The following KAZN variants were observed in gnomAD, a reference collection of about 807,000 sequenced individuals.
KAZN encodes the protein kazrin.
KAZN carries 40 observed loss-of-function variants against 87.4 expected under a neutral mutation model. The ratio of observed to expected loss-of-function variants is 0.46; its 90% CI spans 0.36 to 0.60. The LOEUF (loss-of-function observed/expected upper bound fraction) is 0.60. KAZN is among the 20% of genes least tolerant of loss of function. The probability of loss-of-function intolerance (pLI) is 0.00; values close to 1 mark genes in which losing one functional copy is unlikely to be tolerated. For synonymous variants in KAZN, 466 were observed against 458.3 expected (o/e 1.02, Z -0.22); for missense variants, 898 against 1,073.9 (o/e 0.84, Z 2.29).
chr1:14,716,984 G>A (rs554528842), intron 1 of KAZN, among the ~76,000 whole-genome samples: 1 of 151,618 alleles, frequency 6.6e-6, no homozygotes, highest in Non-Finnish European at 1.5e-5. Flanking sequence ...CCGCCCTCTG[G>A]AATGCCTTCT....
chr1:14,957,501 C>T (rs1663266048), intron 1 of KAZN, among the ~76,000 whole-genome samples: 1 of 152,240 alleles, frequency 6.6e-6, no homozygotes, highest in Non-Finnish European at 1.5e-5. Flanking sequence ...GGGCCCCGCT[C>T]TCGGATCCTG....
intron 13 of KAZN, chr1:15,112,156 T>C: frequency 2.0e-6 from 1 of 511,924 alleles, no homozygotes; most frequent in South Asian, 2.3e-5. Context: ...CGCTAACAGC[T>C]GTGTCGTCTT....
At chr1:15,008,350 G>A (rs1368341607) in intron 2 of KAZN, among the ~76,000 whole-genome samples, 1 of 152,190 alleles carries the variant, frequency 6.6e-6, no homozygotes, top group East Asian at 1.9e-4. Flanking sequence ...GGTCTCAGGC[G>A]AGCCTGAGAG....
At chr1:14,628,241 C>T (rs1171330391) in intron 1 of KAZN, among the ~76,000 whole-genome samples, 1 of 152,146 alleles carries the variant, frequency 6.6e-6, no homozygotes, top group Non-Finnish European at 1.5e-5. Context: ...AAAGGACGAC[C>T]TTTTGTCGGC....
intron 1 of KAZN, among the ~76,000 whole-genome samples, chr1:14,778,540 T>A (rs1479554300): frequency 6.6e-6 from 1 of 152,140 alleles, no homozygotes; most frequent in African/African-American, 2.4e-5. Flanking sequence ...ATCCGTTCAG[T>A]CCATTGGGAA....
chr1:14,163,632 C>A (rs1645758909), intron 1 of KAZN, among the ~76,000 whole-genome samples: 1 of 152,138 alleles, frequency 6.6e-6, no homozygotes, highest in African/African-American at 2.4e-5. Context: ...TATTGGGAGA[C>A]TGCCGTTCCC....
intron 2 of KAZN, among the ~76,000 whole-genome samples, chr1:14,517,639 T>TTA (rs1434551453): frequency 6.6e-6 from 1 of 152,200 alleles, no homozygotes; most frequent in Non-Finnish European, 1.5e-5. Flanking sequence ...GAGAAACACC[T>TTA]TAGAGCAAAA....
chr1:13,930,553 C>A (rs1486804608), intron 1 of KAZN, among the ~76,000 whole-genome samples: 1 of 152,100 alleles, frequency 6.6e-6, no homozygotes. Flanking sequence ...CTTTGTGATG[C>A]TACTATGTGG....
intron 1 of KAZN, among the ~76,000 whole-genome samples, chr1:14,010,650 C>T (rs1327699379): frequency 6.6e-6 from 1 of 152,196 alleles, no homozygotes; most frequent in African/African-American, 2.4e-5. Flanking sequence ...ATGTCATTGT[C>T]AGAGAGTTTT....
intron 1 of KAZN, among the ~76,000 whole-genome samples, chr1:14,883,690 G>C (rs1424795012): frequency 6.6e-6 from 1 of 152,084 alleles, no homozygotes; most frequent in East Asian, 1.9e-4. Flanking sequence ...CCCTATCAAA[G>C]CCAGCCCATC....
At chr1:14,611,162 G>A (rs1677788423) in intron 1 of KAZN, among the ~76,000 whole-genome samples, 1 of 152,160 alleles carries the variant, frequency 6.6e-6, no homozygotes, top group African/African-American at 2.4e-5. Context: ...CAACCCAGTG[G>A]TCTCTGCAGT....
chr1:14,168,139 A>G (rs775231399), intron 1 of KAZN, among the ~76,000 whole-genome samples: 1 of 152,200 alleles, frequency 6.6e-6, no homozygotes, highest in African/African-American at 2.4e-5. Flanking sequence ...CGACATTCAA[A>G]TGAAAATTCG....
chr1:14,180,028 A>G (rs945223458), intron 1 of KAZN, among the ~76,000 whole-genome samples: 1 of 152,218 alleles, frequency 6.6e-6, no homozygotes, highest in African/African-American at 2.4e-5. Flanking sequence ...ATTACCATAA[A>G]TGTAAATCTA....
At chr1:14,555,883 G>A (rs947201683) in intron 2 of KAZN, among the ~76,000 whole-genome samples, 1 of 152,314 alleles carries the variant, frequency 6.6e-6, no homozygotes, top group Middle Eastern at 3.4e-3. Context: ...TACTTATGAT[G>A]TATTATATCT....
intron 1 of KAZN, among the ~76,000 whole-genome samples, chr1:14,807,680 G>A (rs1646266240): frequency 6.6e-6 from 1 of 152,048 alleles, no homozygotes; most frequent in Admixed American, 6.5e-5. Context: ...GAGATAGTAG[G>A]ATCATCTCAT....
At chr1:14,323,713 A>C (rs1336452592) in intron 2 of KAZN, among the ~76,000 whole-genome samples, 1 of 152,090 alleles carries the variant, frequency 6.6e-6, no homozygotes, top group Non-Finnish European at 1.5e-5. Flanking sequence ...CTTTTCCCTG[A>C]GATATTTGGC....
chr1:14,033,090 A>G (rs1641397612), intron 1 of KAZN, among the ~76,000 whole-genome samples: 1 of 152,224 alleles, frequency 6.6e-6, no homozygotes, highest in South Asian at 2.1e-4. Flanking sequence ...TGTTGAAGGA[A>G]TGGAAGAACT....
intron 1 of KAZN, among the ~76,000 whole-genome samples, chr1:14,911,538 C>A (rs1657248943): frequency 6.6e-6 from 1 of 152,198 alleles, no homozygotes; most frequent in Non-Finnish European, 1.5e-5. Flanking sequence ...GACTCCTCCT[C>A]TGTGCAATGA....
intron 1 of KAZN, among the ~76,000 whole-genome samples, chr1:14,751,269 G>A (rs1261237783): frequency 6.6e-6 from 1 of 152,138 alleles, no homozygotes; most frequent in African/African-American, 2.4e-5. Flanking sequence ...GTATACATGT[G>A]TACTTAATAC....
Sources: allele counts gnomAD v4.1 joint callset (sites outside exome capture counted in the v4.1 genomes callset), GRCh38; gene constraint gnomAD v4.1.1; transcripts MANE v1.5; gene names NCBI Gene and HGNC (gene_info 2026-07-23, HGNC 2026-07-21).